CCND3: variants seen among roughly 807,000 people sequenced by gnomAD.
CCND3 encodes the protein cyclin D3, also known as G1/S-specific cyclin-D3.
Under a neutral mutation model 28.7 loss-of-function variants are expected in CCND3, and 9 were observed. That is an observed-to-expected ratio of 0.31 (90% confidence interval 0.19 to 0.55). The LOEUF (loss-of-function observed/expected upper bound fraction) is 0.55, where lower values mean the gene tolerates loss of function less well. Among genes scored for constraint, CCND3 ranks in the 20% least tolerant of loss-of-function variants. The pLI, the probability that CCND3 is intolerant of heterozygous loss-of-function variation, is 0.93. For synonymous variants in CCND3, 164 were observed against 163.9 expected, an observed-to-expected ratio of 1.00 and a Z score of 0.00; for missense variants, 315 against 385.8, an observed-to-expected ratio of 0.82 and a Z score of 1.54.
chr6:42,049,199 C>G (rs931548510), upstream of CCND3, among the ~76,000 whole-genome samples: 15 of 152,142 alleles, frequency 9.9e-5, no homozygotes, highest in Non-Finnish European at 1.6e-4. Context: ...CCACGCCCGG[C>G]TAATTTTGTG....
At position 41,941,310 on chromosome 6, in the gene CCND3, C is replaced by A; in HGVS notation, c.198+142G>T. ...GCAAGGGAGGCAGCTGGCGTGGGTG[C>A]CCTAGTGAAAGGCCAGGCCCCGGGA... On this transcript the variant is annotated intron_variant, in intron 1 of 4. Coordinates refer to ENST00000372991, the MANE Select transcript of CCND3 (RefSeq NM_001760.5). This position sits in a 1 kb window ranked among gnomAD's most constrained non-coding sequence, Gnocchi z 6.1. 1 of 1,465,104 alleles carries A rather than the reference C, an allele frequency of 6.8e-7. No individual in the cohort carries two copies. Among genetic ancestry groups the A allele is most frequent in the Admixed American group, 2.8e-5 (1 of 35,104 alleles). The allele number at this position is 1,465,104 out of a possible 1,614,324, so 90.8% of individuals were successfully genotyped here. A position where few individuals can be genotyped will look rare whatever the true frequency, so the allele number is the denominator to read the frequency against.
At chr6:41,962,226 C>T (rs540659793) in intron 1 of CCND3, among the ~76,000 whole-genome samples, 2 of 152,046 alleles carry the variant, frequency 1.3e-5, no homozygotes, top group Non-Finnish European at 2.9e-5. Context: ...TCAGCCTCCC[C>T]AGTAGCTGGG....
At chr6:41,945,164 A>G (rs1272916115), upstream of CCND3, among the ~76,000 whole-genome samples, 1 of 152,164 alleles carries the variant, frequency 6.6e-6, no homozygotes, top group Non-Finnish European at 1.5e-5. Flanking sequence ...CAGGCCAAAT[A>G]AGAAACCCCA....
intron 1 of CCND3, among the ~76,000 whole-genome samples, chr6:41,981,123 T>C (rs1762333607): frequency 3.1e-5 from 1 of 32,328 alleles, no homozygotes; most frequent in Non-Finnish European, 6.0e-5. Flanking sequence ...ATGTAGAAAA[T>C]CCAAAAGAAT....
intron 1 of CCND3, among the ~76,000 whole-genome samples, chr6:41,965,162 T>G (rs923746616): frequency 1.2e-4 from 18 of 146,514 alleles, no homozygotes; most frequent in African/African-American, 4.5e-4. Flanking sequence ...TTCCGCCTCC[T>G]GGGTTCAAGC....
chr6:42,038,183 G>C (rs1235243297), intron 1 of CCND3, among the ~76,000 whole-genome samples: 1 of 151,926 alleles, frequency 6.6e-6, no homozygotes, highest in Non-Finnish European at 1.5e-5. Flanking sequence ...TCTAGTTCTT[G>C]GTATTCTTTA....
intron 1 of CCND3, among the ~76,000 whole-genome samples, chr6:42,015,159 T>C (rs2127429987): frequency 6.6e-6 from 1 of 152,312 alleles, no homozygotes; most frequent in East Asian, 1.9e-4. Context: ...CTCAAGGTCA[T>C]ACATCTAGCA....
chr6:42,022,975 A>G (rs897791613), intron 1 of CCND3, among the ~76,000 whole-genome samples: 1 of 152,252 alleles, frequency 6.6e-6, no homozygotes, highest in African/African-American at 2.4e-5. Context: ...GAGGGGGACC[A>G]TGTACGGGTA....
intron 1 of CCND3, among the ~76,000 whole-genome samples, chr6:41,957,974 C>A (rs114074977): frequency 0.012 from 1,872 of 150,846 alleles, 26 homozygotes; most frequent in South Asian, 0.062. Flanking sequence ...TATGAGCCAC[C>A]AAACTTTACC....
Position 41,941,227 on chromosome 6 carries a change from T to A in CCND3, c.198+225A>T. The A allele has an allele frequency of 7.0e-7, 1 of 1,432,978 alleles. No individual in the cohort carries two copies. The highest frequency in any genetic ancestry group is 1.5e-5 in the South Asian group (1 of 67,178). The allele number at this position is 1,432,978 out of a possible 1,614,324, so 88.8% of individuals were successfully genotyped here. ...TTGCTCGGCCCGAAGAGAGGCACAG[T>A]TAGGGTGCCAAGTGACTGGCAGTCA... is the stretch of plus-strand genomic sequence containing the variant. On this transcript the variant is annotated intron_variant, in intron 1 of 4. Transcript: ENST00000372991. The surrounding 1 kb of genome is among the most constrained non-coding windows in gnomAD (Gnocchi z 6.1).
chr6:41,969,737 AAAACAAAC>A (rs960473625), intron 1 of CCND3, among the ~76,000 whole-genome samples: 1 of 152,136 alleles, frequency 6.6e-6, no homozygotes, highest in Non-Finnish European at 1.5e-5. Flanking sequence ...TCCATCTCAA[AAAACAAAC>A]AAACAAACAA....
chr6:41,974,753 G>A (rs973434714), intron 1 of CCND3, among the ~76,000 whole-genome samples: 1 of 150,340 alleles, frequency 6.7e-6, no homozygotes, highest in Non-Finnish European at 1.5e-5. Context: ...TGGCCAATCT[G>A]GTATTTCTCT....
intron 1 of CCND3, among the ~76,000 whole-genome samples, chr6:42,017,901 G>A (rs186939183): frequency 1.9e-3 from 284 of 152,042 alleles, no homozygotes; most frequent in African/African-American, 6.4e-3. Flanking sequence ...CTGTAATCCC[G>A]GCACTTTGGG....
chr6:41,966,633 C>A (rs191038049), intron 1 of CCND3, among the ~76,000 whole-genome samples: 2 of 152,246 alleles, frequency 1.3e-5, no homozygotes, highest in Admixed American at 1.3e-4. Flanking sequence ...TTACCACAGT[C>A]TATCAGTAAA....
At chr6:41,998,502 C>A (rs564272823) in intron 1 of CCND3, among the ~76,000 whole-genome samples, 132 of 151,082 alleles carry the variant, frequency 8.7e-4, no homozygotes, top group Non-Finnish European at 1.3e-3. Context: ...GTGCCAACCA[C>A]CACGCCTGGC....
intron 1 of CCND3, among the ~76,000 whole-genome samples, chr6:41,950,884 A>AT (rs1776293129): frequency 6.6e-6 from 1 of 151,410 alleles, no homozygotes; most frequent in Non-Finnish European, 1.5e-5. Context: ...AATTTTTTGT[A>AT]TTTTTAGTAG....
chr6:42,044,952 CTAACG>C (rs1243000035), intron 1 of CCND3, among the ~76,000 whole-genome samples: 2 of 116,552 alleles, frequency 1.7e-5, no homozygotes, highest in African/African-American at 6.4e-5. Context: ...CCACGCCCGG[CTAACG>C]TTTTTTTTTT....
chr6:41,945,408 C>T (rs907752509), upstream of CCND3, among the ~76,000 whole-genome samples: 12 of 152,174 alleles, frequency 7.9e-5, no homozygotes, highest in East Asian at 1.9e-4. Flanking sequence ...CCAGCTACTC[C>T]GGAGGCTGAG....
rs533467529 is a variant in CCND3 at position 41,962,837 on chromosome 6, A to G, written c.-45-22252T>C. Among the ~76,000 whole-genome samples the G allele has an allele frequency of 1.6e-3, 239 of 151,888 alleles. 1 individual carries two copies. Among genetic ancestry groups the G allele is most frequent in the African/African-American group, 5.7e-3 (235 of 41,410 alleles). ...GCAATCTTGGCTTACCACAACCTCC[A>G]CCTCCCGGGTTCAAGCGATTCTCCT... On this transcript the variant is annotated intron_variant, in intron 1 of 4. Coordinates refer to the CCND3 transcript ENST00000372988.
Sources: allele counts gnomAD v4.1 joint callset (sites outside exome capture counted in the v4.1 genomes callset), GRCh38; gene constraint gnomAD v4.1.1; non-coding constraint Gnocchi (gnomAD v3.1); transcripts MANE v1.5; gene names NCBI Gene and HGNC (gene_info 2026-07-23, HGNC 2026-07-21).